CSNK1G1: variants seen among roughly 807,000 people sequenced by gnomAD.
CSNK1G1 encodes the protein casein kinase 1 gamma 1.
In CSNK1G1, 22 loss-of-function variants were observed where a neutral mutation model predicts 59.6. That is an observed-to-expected ratio of 0.37 (90% CI 0.26 to 0.53). The LOEUF (loss-of-function observed/expected upper bound fraction) is 0.53, where lower values mean the gene tolerates loss of function less well. Ranked by LOEUF, CSNK1G1 falls within the 20% of genes least tolerant of loss-of-function variation. The pLI is 0.89. For synonymous variants in CSNK1G1, 179 were observed against 177.1 expected (o/e 1.01, Z -0.08); for missense variants, 384 against 519.5 (o/e 0.74, Z 2.54).
At chr15:64,181,209 C>T in intron 10 of CSNK1G1, 1 of 1,530,284 alleles carries the variant, frequency 6.5e-7, no homozygotes, top group South Asian at 1.2e-5. Context: ...ATTTCAGGTT[C>T]ACTGCCATCC....
At chr15:64,192,104 C>T (rs2081979585) in intron 10 of CSNK1G1, among the ~76,000 whole-genome samples, 1 of 152,214 alleles carries the variant, frequency 6.6e-6, no homozygotes, top group Non-Finnish European at 1.5e-5. Flanking sequence ...CTCATCAGCA[C>T]AGTAGCTAGT....
At chr15:64,239,302 G>C (rs1267887089) in intron 4 of CSNK1G1, among the ~76,000 whole-genome samples, 1 of 152,138 alleles carries the variant, frequency 6.6e-6, no homozygotes, top group Non-Finnish European at 1.5e-5. Flanking sequence ...CCAATGAAAA[G>C]AAATTTTAAA....
intron 2 of CSNK1G1, among the ~76,000 whole-genome samples, chr15:64,277,845 T>C (rs1893805088): frequency 1.5e-5 from 2 of 137,652 alleles, no homozygotes; most frequent in South Asian, 4.2e-4. Context: ...ATTGATATAT[T>C]TAATAATAAT....
At chr15:64,229,018 CA>C (rs1218085247) in intron 4 of CSNK1G1, among the ~76,000 whole-genome samples, 492 of 65,902 alleles carry the variant, frequency 7.5e-3, no homozygotes, top group Non-Finnish European at 9.7e-3. Flanking sequence ...GACTCTGTCT[CA>C]AAAAAAAAAA....
At chr15:64,313,963 C>A (rs1047246718) in intron 1 of CSNK1G1, among the ~76,000 whole-genome samples, 12 of 151,752 alleles carry the variant, frequency 7.9e-5, no homozygotes, top group Admixed American at 2.0e-4. Context: ...GTGAACTTGA[C>A]ATATACAGCT....
chr15:64,185,122 TG>T (rs1457035521), intron 10 of CSNK1G1, among the ~76,000 whole-genome samples: 1 of 152,218 alleles, frequency 6.6e-6, no homozygotes, highest in Non-Finnish European at 1.5e-5. Context: ...GTGGAAATAC[TG>T]GAAGGATGAG....
chr15:64,278,404 GTGTGTGTGTGTGTGTATA>G (rs1375045749), intron 2 of CSNK1G1, among the ~76,000 whole-genome samples: 32 of 129,592 alleles, frequency 2.5e-4, no homozygotes, highest in East Asian at 1.2e-3. Context: ...GTGTGTGTGT[GTGTGTGTGTGTGTGTATA>G]TATATATATA....
chr15:64,264,671 C>T (rs1892885538), intron 2 of CSNK1G1, among the ~76,000 whole-genome samples: 1 of 152,170 alleles, frequency 6.6e-6, no homozygotes, highest in African/African-American at 2.4e-5. Flanking sequence ...AGATGATTCA[C>T]CATGATCACA....
chr15:64,258,380 C>T (rs927111478), intron 3 of CSNK1G1, among the ~76,000 whole-genome samples: 6 of 137,858 alleles, frequency 4.4e-5, no homozygotes, highest in African/African-American at 1.8e-4. Flanking sequence ...GAGACCCTGT[C>T]TCCAAAAAAA....
At chr15:64,261,386 A>G (rs903205693) in intron 2 of CSNK1G1, among the ~76,000 whole-genome samples, 2 of 152,084 alleles carry the variant, frequency 1.3e-5, no homozygotes, top group African/African-American at 4.8e-5. Flanking sequence ...GGATCACCTG[A>G]GGTCAGGAGT....
At chr15:64,181,470 T>C (rs2081812582) in intron 10 of CSNK1G1, 1 of 1,475,952 alleles carries the variant, frequency 6.8e-7, no homozygotes. Flanking sequence ...ATAAACAATT[T>C]GGATATCATA....
At position 64,210,053 on chromosome 15, in the gene CSNK1G1, T is replaced by A. The variant is rs1039240407; in HGVS notation, c.680-2459A>T. On this transcript the variant is annotated intron_variant, in intron 6 of 11. Coordinates refer to ENST00000303052, the MANE Select transcript of CSNK1G1 (RefSeq NM_022048.5). This position sits in a 1 kb window ranked among gnomAD's most constrained non-coding sequence, Gnocchi z 4.2. ...AAGTAACTTTTCAAATCCTGAGAAC[T>A]ATGAAAAAGAACTATAGAATATGGG... 6.6e-6 allele frequency among the ~76,000 whole-genome samples: 1 copy of A among 152,086 alleles called. No homozygotes were observed. Among genetic ancestry groups the A allele is most frequent in the Non-Finnish European group, 1.5e-5 (1 of 68,004 alleles).
At chr15:64,278,567 T>TAC (rs1021020861) in intron 2 of CSNK1G1, among the ~76,000 whole-genome samples, 23 of 151,978 alleles carry the variant, frequency 1.5e-4, no homozygotes, top group African/African-American at 5.3e-4. Flanking sequence ...TAGTCAGGAC[T>TAC]ACAGGCACAG....
intron 1 of CSNK1G1, among the ~76,000 whole-genome samples, chr15:64,327,099 G>A (rs1462548128): frequency 6.6e-6 from 1 of 151,926 alleles, no homozygotes; most frequent in Admixed American, 6.6e-5. Flanking sequence ...GCTGGGGGAG[G>A]GGCGCCCGCC....
chr15:64,316,373 TAAAACTACAAAAA>T (rs1243950881), intron 1 of CSNK1G1, among the ~76,000 whole-genome samples: 1 of 151,386 alleles, frequency 6.6e-6, no homozygotes, highest in East Asian at 1.9e-4. Context: ...CTGTCTCTAT[TAAAACTACAAAAA>T]TTAGCCGGGC....
intron 11 of CSNK1G1, among the ~76,000 whole-genome samples, chr15:64,178,482 CTT>C (rs1175775132): frequency 2.1e-4 from 26 of 123,734 alleles, no homozygotes; most frequent in Non-Finnish European, 1.5e-4. Flanking sequence ...CAAAAATTTT[CTT>C]TTTTTTTTTT....
chr15:64,208,099 A>G (rs2082205794), intron 6 of CSNK1G1, among the ~76,000 whole-genome samples: 1 of 152,228 alleles, frequency 6.6e-6, no homozygotes, highest in Non-Finnish European at 1.5e-5. Flanking sequence ...AACACTTAAA[A>G]TTAAGTTTCA....
intron 6 of CSNK1G1, among the ~76,000 whole-genome samples, chr15:64,212,275 A>T (rs898127200): frequency 6.6e-6 from 1 of 152,244 alleles, no homozygotes; most frequent in African/African-American, 2.4e-5. Context: ...TCTTGATAAC[A>T]TCATAATTTC....
At chr15:64,204,112 C>G (rs1396242110) in intron 9 of CSNK1G1, among the ~76,000 whole-genome samples, 1 of 151,884 alleles carries the variant, frequency 6.6e-6, no homozygotes, top group East Asian at 1.9e-4. Flanking sequence ...CCATTGCACT[C>G]CAGCCTGGGA....
Sources: allele counts gnomAD v4.1 joint callset (sites outside exome capture counted in the v4.1 genomes callset), GRCh38; gene constraint gnomAD v4.1.1; non-coding constraint Gnocchi (gnomAD v3.1); transcripts MANE v1.5; gene names NCBI Gene and HGNC (gene_info 2026-07-23, HGNC 2026-07-21).